Variants in LCLAT1 observed in about 807,000 individuals in gnomAD.
LCLAT1 encodes lysocardiolipin acyltransferase 1.
In LCLAT1, 11 loss-of-function variants were observed where a neutral mutation model predicts 30.7. That is an observed-to-expected ratio of 0.36 (90% CI 0.23 to 0.59). The LOEUF (loss-of-function observed/expected upper bound fraction) is 0.59. LCLAT1 is among the 20% of genes least tolerant of loss of function. LCLAT1 has a pLI of 0.77. For synonymous variants in LCLAT1, 155 were observed against 151.3 expected (o/e 1.02, Z -0.18); for missense variants, 402 against 458.6 (o/e 0.88, Z 1.13).
In LCLAT1 at chr2:30,533,162, A is replaced by T. The variant is rs1250113431; in HGVS notation, c.212A>T (p.Asp71Val). The T allele has an allele frequency of 3.1e-6, 5 of 1,614,032 alleles. No homozygotes were observed. The highest frequency in any genetic ancestry group is 1.3e-5 in the African/African-American group (1 of 75,038). ...GGTGTAAAAGTGATTATAACTGGGG[A>T]TGCATTTGTTCCTGGAGAAAGAAGT... The part of the protein sequence containing the change: ...MFGVKVIITG[D>V]AFVPGERSVI... The change falls in exon 3 of 6, where the codon GAT (aspartate) becomes GTT (valine). Residue 71 changes from aspartate (D) to valine (V), a missense_variant. Coordinates refer to ENST00000379509, the MANE Select transcript of LCLAT1 (RefSeq NM_001002257.3).
At chr2:30,448,799 T>C (rs1681397075) in intron 1 of LCLAT1, among the ~76,000 whole-genome samples, 1 of 152,224 alleles carries the variant, frequency 6.6e-6, no homozygotes, top group Non-Finnish European at 1.5e-5. Context: ...GTCCAAACTC[T>C]GCCACTTAAA....
chr2:30,526,758 T>C (rs989081522), intron 2 of LCLAT1, among the ~76,000 whole-genome samples: 4 of 152,220 alleles, frequency 2.6e-5, no homozygotes, highest in Non-Finnish European at 4.4e-5. Flanking sequence ...ATCTCTGTCC[T>C]TGAGGAGATA....
At chr2:30,472,277 T>C in intron 1 of LCLAT1, among the ~76,000 whole-genome samples, 1 of 152,238 alleles carries the variant, frequency 6.6e-6, no homozygotes, top group East Asian at 1.9e-4. Flanking sequence ...AAGATTCCAC[T>C]TGTTTATTTG....
intron 5 of LCLAT1, among the ~76,000 whole-genome samples, chr2:30,626,265 A>G (rs1053483119): frequency 4.6e-5 from 7 of 152,224 alleles, no homozygotes; most frequent in Non-Finnish European, 8.8e-5. Flanking sequence ...GGTTTTGGCA[A>G]CTTGTAAACA....
At chr2:30,478,507 T>C (rs1233993223) in intron 1 of LCLAT1, among the ~76,000 whole-genome samples, 2 of 152,184 alleles carry the variant, frequency 1.3e-5, no homozygotes, top group East Asian at 1.9e-4. Flanking sequence ...AGAATAGTTA[T>C]ATGTGTAAAA....
intron 1 of LCLAT1, among the ~76,000 whole-genome samples, chr2:30,483,221 C>T (rs1343792424): frequency 6.6e-6 from 1 of 152,132 alleles, no homozygotes; most frequent in Non-Finnish European, 1.5e-5. Context: ...AGCACAGTGG[C>T]TCACACCTCT....
chr2:30,509,388 T>C (rs1684827598), intron 1 of LCLAT1, among the ~76,000 whole-genome samples: 1 of 152,194 alleles, frequency 6.6e-6, no homozygotes, highest in African/African-American at 2.4e-5. Context: ...CAGTATGATA[T>C]TGGCTGTGGT....
intron 5 of LCLAT1, among the ~76,000 whole-genome samples, chr2:30,610,318 T>C (rs1371653803): frequency 6.6e-6 from 1 of 152,138 alleles, no homozygotes; most frequent in African/African-American, 2.4e-5. Flanking sequence ...CTTCTCATGG[T>C]CTCTGTCTAA....
intron 3 of LCLAT1, among the ~76,000 whole-genome samples, chr2:30,550,987 T>C (rs1157113013): frequency 1.3e-5 from 2 of 152,152 alleles, no homozygotes; most frequent in Admixed American, 6.5e-5. Flanking sequence ...ATTGGGAGTT[T>C]TCTTTTCTTG....
chr2:30,484,126 C>T (rs1683452783), intron 1 of LCLAT1, among the ~76,000 whole-genome samples: 1 of 152,058 alleles, frequency 6.6e-6, no homozygotes, highest in East Asian at 1.9e-4. Flanking sequence ...GATTTTGGAC[C>T]AAATATAGAT....
chr2:30,497,811 G>C (rs985923533), intron 1 of LCLAT1, among the ~76,000 whole-genome samples: 1 of 151,946 alleles, frequency 6.6e-6, no homozygotes, highest in Non-Finnish European at 1.5e-5. Context: ...AATAACTTAG[G>C]GTATTCATAT....
At chr2:30,631,369 T>C (rs949175869) in intron 5 of LCLAT1, among the ~76,000 whole-genome samples, 12 of 152,178 alleles carry the variant, frequency 7.9e-5, no homozygotes, top group African/African-American at 2.9e-4. Context: ...GTAACGGATA[T>C]AGGGTTGCCA....
intron 1 of LCLAT1, among the ~76,000 whole-genome samples, chr2:30,449,372 T>A (rs768079593): frequency 1.2e-4 from 18 of 152,390 alleles, no homozygotes; most frequent in Non-Finnish European, 2.1e-4. Flanking sequence ...AATCATGGTT[T>A]ATTCCATTGG....
chr2:30,612,376 TAA>T (rs1667779851), intron 5 of LCLAT1, among the ~76,000 whole-genome samples: 1 of 152,130 alleles, frequency 6.6e-6, no homozygotes, highest in Non-Finnish European at 1.5e-5. Context: ...CTTAAACCTA[TAA>T]AAGGCACCTA....
At chr2:30,598,977 T>C (rs1572678019) in intron 5 of LCLAT1, among the ~76,000 whole-genome samples, 4 of 145,842 alleles carry the variant, frequency 2.7e-5, no homozygotes, top group South Asian at 2.2e-4. Flanking sequence ...TTTCTTTTTT[T>C]TTTTCTTTTC....
At position 30,558,689 on chromosome 2, in the gene LCLAT1, AAAGAACTCCTAAGATT is replaced by A. The variant is rs1403173158; in HGVS notation, c.365-3453_365-3438del. Among the ~76,000 whole-genome samples the A allele has an allele frequency of 2.6e-5, 4 of 152,310 alleles. 1 individual carries two copies. The highest frequency in any genetic ancestry group is 2.6e-4 in the Admixed American group (4 of 15,294). On this transcript the variant is annotated intron_variant, in intron 3 of 5. Transcript: ENST00000379509. ...ACATGAATTCTAATGGCTAAAATGA[AAAGAACTCCTAAGATT>A]AAGTGTCGGGGAAAATATAGATAGA...
At chr2:30,614,843 C>T (rs892622831) in intron 5 of LCLAT1, among the ~76,000 whole-genome samples, 5 of 151,970 alleles carry the variant, frequency 3.3e-5, no homozygotes, top group African/African-American at 4.8e-5. Flanking sequence ...TATTAGGGAT[C>T]GGAGAACCAG....
intron 1 of LCLAT1, among the ~76,000 whole-genome samples, chr2:30,449,447 C>T (rs1242641468): frequency 6.6e-6 from 1 of 150,968 alleles, no homozygotes; most frequent in Admixed American, 6.6e-5. Flanking sequence ...ATTCTTCTTA[C>T]TTGTGTTGCC....
At chr2:30,502,602 A>G (rs1350011590) in intron 1 of LCLAT1, among the ~76,000 whole-genome samples, 1 of 152,122 alleles carries the variant, frequency 6.6e-6, no homozygotes, top group African/African-American at 2.4e-5. Context: ...TGGGCATTTC[A>G]TGTGAATGAA....
Sources: gnomAD v4.1 joint callset for allele counts (sites outside exome capture counted in the v4.1 genomes callset) on GRCh38, gnomAD v4.1.1 for gene constraint, MANE v1.5 for transcripts, NCBI Gene and HGNC (gene_info 2026-07-23, HGNC 2026-07-21) for gene names.